ASTN2: variants seen among roughly 807,000 people sequenced by gnomAD.
The protein encoded by ASTN2 is astrotactin 2, also known as astrotactin-2.
ASTN2 carries 54 observed loss-of-function variants against 139.8 expected under a neutral mutation model. That is an observed-to-expected ratio of 0.39 (90% CI 0.31 to 0.48). The LOEUF (loss-of-function observed/expected upper bound fraction) is 0.48. ASTN2 is among the 20% of genes least tolerant of loss of function. The probability of loss-of-function intolerance (pLI) is 0.95; values close to 1 mark genes in which losing one functional copy is unlikely to be tolerated. For missense variants in ASTN2, 1,565 were observed against 1,725.1 expected (o/e 0.91, Z 1.64); for synonymous variants, 756 against 719.5 (o/e 1.05, Z -0.81).
chr9:117,089,844 C>T (rs1358038038), intron 5 of ASTN2, among the ~76,000 whole-genome samples: 1 of 152,220 alleles, frequency 6.6e-6, no homozygotes, highest in Non-Finnish European at 1.5e-5. Context: ...CAGGTTGTGG[C>T]AAATGCCGTT....
At chr9:116,733,609 A>G (rs772911546) in intron 13 of ASTN2, 86 bp from the exon 14 acceptor site, 9 of 1,558,016 alleles carry the variant, frequency 5.8e-6, no homozygotes, top group African/African-American at 4.1e-5. Context: ...TGCTGTAGTC[A>G]GAATAAAGAC....
chr9:117,224,935 C>T (rs961898502), intron 2 of ASTN2, among the ~76,000 whole-genome samples: 1 of 152,132 alleles, frequency 6.6e-6, no homozygotes, highest in Non-Finnish European at 1.5e-5. Context: ...TAGTTTGACC[C>T]CCTCCCATCA....
chr9:117,066,735 T>A (rs1281652057), intron 5 of ASTN2, among the ~76,000 whole-genome samples: 3 of 151,914 alleles, frequency 2.0e-5, no homozygotes, highest in Admixed American at 6.6e-5. Context: ...ATGGTTTTGA[T>A]TTGCATTTCT....
chr9:116,565,388 C>CTCTCTAT (rs1564120372), intron 19 of ASTN2, among the ~76,000 whole-genome samples: 6 of 34,022 alleles, frequency 1.8e-4, no homozygotes, highest in African/African-American at 4.2e-4. Context: ...TCTCTCTCTC[C>CTCTCTAT]ATATATATAT....
chr9:117,003,955 T>G (rs2418447), intron 7 of ASTN2, among the ~76,000 whole-genome samples: 1 of 127,046 alleles, frequency 7.9e-6, no homozygotes, highest in East Asian at 2.5e-4. Flanking sequence ...CGCGCGCGCG[T>G]GTGTGTGTGT....
At chr9:116,662,158 G>A (rs1419402329) in intron 16 of ASTN2, among the ~76,000 whole-genome samples, 3 of 152,090 alleles carry the variant, frequency 2.0e-5, no homozygotes, top group African/African-American at 7.2e-5. Flanking sequence ...TCATATAAGA[G>A]GTAACTTACA....
intron 10 of ASTN2, among the ~76,000 whole-genome samples, chr9:116,967,857 C>G (rs532497935): frequency 1.3e-5 from 2 of 152,260 alleles, no homozygotes; most frequent in South Asian, 2.1e-4. Flanking sequence ...GCCATCAATG[C>G]TCCTGCCATC....
At chr9:117,352,448 A>G (rs1829418753) in intron 1 of ASTN2, among the ~76,000 whole-genome samples, 1 of 152,320 alleles carries the variant, frequency 6.6e-6, no homozygotes, top group South Asian at 2.1e-4. Context: ...CTCACATTTT[A>G]CAGTCCAAGA....
chr9:116,773,056 A>T (rs1324789116), intron 13 of ASTN2, among the ~76,000 whole-genome samples: 1 of 150,240 alleles, frequency 6.7e-6, no homozygotes, highest in East Asian at 1.9e-4. Context: ...CTTTCTAGAA[A>T]CCAGTTTTGG....
At chr9:117,209,880 A>C (rs1240772537) in intron 3 of ASTN2, among the ~76,000 whole-genome samples, 1 of 152,178 alleles carries the variant, frequency 6.6e-6, no homozygotes, top group Non-Finnish European at 1.5e-5. Context: ...GTGGAATAAA[A>C]CTAGATATCA....
intron 20 of ASTN2, among the ~76,000 whole-genome samples, chr9:116,471,148 CCT>C (rs891116540): frequency 3.3e-5 from 5 of 152,126 alleles, no homozygotes; most frequent in Admixed American, 2.6e-4. Context: ...CTCTCTTCCC[CCT>C]GTTACAGGCT....
chr9:116,427,271 A>AT (rs1847339059), intron 22 of ASTN2, among the ~76,000 whole-genome samples: 1 of 152,146 alleles, frequency 6.6e-6, no homozygotes, highest in Non-Finnish European at 1.5e-5. Flanking sequence ...ACATTGAAGA[A>AT]TTTTCAATAG....
intron 4 of ASTN2, among the ~76,000 whole-genome samples, chr9:117,115,236 G>A (rs971921383): frequency 3.9e-5 from 6 of 152,108 alleles, no homozygotes; most frequent in African/African-American, 1.2e-4. Flanking sequence ...ATTCTAGGCC[G>A]GGCAATGTGA....
intron 6 of ASTN2, among the ~76,000 whole-genome samples, chr9:117,023,535 G>C (rs1291536485): frequency 2.0e-5 from 3 of 152,040 alleles, no homozygotes; most frequent in Non-Finnish European, 4.4e-5. Flanking sequence ...ACTCTCACCT[G>C]TTGCCAATGC....
At chr9:116,807,689 A>G (rs1255697396) in intron 12 of ASTN2, among the ~76,000 whole-genome samples, 2 of 152,138 alleles carry the variant, frequency 1.3e-5, no homozygotes, top group Non-Finnish European at 2.9e-5. Context: ...TTGAGAAAAT[A>G]TGGAGAAATG....
chr9:117,402,320 G>A (rs973277010), intron 1 of ASTN2, among the ~76,000 whole-genome samples: 25 of 152,234 alleles, frequency 1.6e-4, no homozygotes, highest in Non-Finnish European at 3.4e-4. Context: ...GCCTGCCTCC[G>A]CCTCCAAAGA....
Position 116,991,606 on chromosome 9 carries a change from G to T in ASTN2, c.1592-14821C>A, listed in dbSNP as rs575819987. Reference sequence around the variant, plus strand: ...CTTATTAAAAAAAAAAAAAAAAGCAGAAAATTGAGGCTTGGAGAAATTAAG... The same window carrying T: ...CTTATTAAAAAAAAAAAAAAAAGCATAAAATTGAGGCTTGGAGAAATTAAG... On this transcript the variant is annotated intron_variant, in intron 7 of 22. Transcript: ENST00000313400. Among the ~76,000 whole-genome samples, 89 of 143,606 alleles carry T rather than the reference G, an allele frequency of 6.2e-4. 1 individual carries two copies. Among genetic ancestry groups the T allele is most frequent in the East Asian group, 5.9e-3 (29 of 4,884 alleles). 94.2% of individuals were successfully genotyped at this position (143,606 alleles called of 152,430 possible).
At chr9:117,360,051 A>G (rs1453422817) in intron 1 of ASTN2, among the ~76,000 whole-genome samples, 6 of 152,178 alleles carry the variant, frequency 3.9e-5, no homozygotes, top group East Asian at 3.9e-4. Context: ...GTAGAAGCCA[A>G]TGAAGATCTT....
chr9:116,487,283 A>G (rs1678236168), intron 20 of ASTN2, 76 bp downstream of exon 20: 2 of 1,567,456 alleles, frequency 1.3e-6, no homozygotes, highest in East Asian at 2.3e-5. Flanking sequence ...CCTGCACAGA[A>G]TAACTCATGC....
Sources: allele counts gnomAD v4.1 joint callset (sites outside exome capture counted in the v4.1 genomes callset), GRCh38; gene constraint gnomAD v4.1.1; transcripts MANE v1.5; gene names NCBI Gene and HGNC (gene_info 2026-07-23, HGNC 2026-07-21).